HAPLN2: variants seen among roughly 807,000 people sequenced by gnomAD.
HAPLN2 encodes the protein brain link protein-1.
In HAPLN2, 27 loss-of-function variants were observed where a neutral mutation model predicts 29.3. That is an observed-to-expected ratio of 0.92 (90% confidence interval 0.68 to 1.27). The LOEUF (loss-of-function observed/expected upper bound fraction) is 1.27. HAPLN2 is among the 50% of genes most tolerant of loss of function. The pLI, the probability that HAPLN2 is intolerant of heterozygous loss-of-function variation, is 0.00. For missense variants in HAPLN2, 454 were observed against 484.3 expected (o/e 0.94, Z 0.59); for synonymous variants, 208 against 211.7 (o/e 0.98, Z 0.15).
chr1:156,622,620 A>G lies in HAPLN2; in HGVS notation c.-24-847A>G, dbSNP rs369770685. ...CTGTGTGGGAAACTGCCAGAAATCC[A>G]GCATGTCAGGGGAACAGTGCAGAGG... is the stretch of plus-strand genomic sequence containing the variant. On this transcript the variant is annotated intron_variant, in intron 2 of 6. Coordinates refer to ENST00000255039, the MANE Select transcript of HAPLN2 (RefSeq NM_021817.3). Among the ~76,000 whole-genome samples, 112 of 152,258 alleles carry G rather than the reference A, an allele frequency of 7.4e-4. 1 individual carries two copies. Among genetic ancestry groups the G allele is most frequent in the African/African-American group, 2.6e-3 (107 of 41,546 alleles).
At chr1:156,605,853 T>C in the HAPLN2 span, among the ~76,000 whole-genome samples, 24 of 151,858 alleles carry the variant, frequency 1.6e-4, no homozygotes, top group South Asian at 2.3e-3. Context: ...AATAGTCTTT[T>C]CAACAAATGG....
At chr1:156,608,577 CTG>C in the HAPLN2 span, among the ~76,000 whole-genome samples, 1 of 151,836 alleles carries the variant, frequency 6.6e-6, no homozygotes, top group African/African-American at 2.4e-5. Flanking sequence ...GAGTCGCACT[CTG>C]TCACCCAGGC....
At chr1:156,616,255 A>C (rs1375784425), upstream of HAPLN2, among the ~76,000 whole-genome samples, 1 of 152,182 alleles carries the variant, frequency 6.6e-6, no homozygotes, top group Non-Finnish European at 1.5e-5. Flanking sequence ...TGGGTCAGTG[A>C]GGAGACCCCA....
chr1:156,624,473 C>A lies in HAPLN2; in HGVS notation c.556+6C>A, dbSNP rs1678374182. The A allele has an allele frequency of 6.2e-7, 1 of 1,611,148 alleles. No individual in the cohort carries two copies. The highest frequency in any genetic ancestry group is 1.1e-5 in the South Asian group (1 of 90,630). On this transcript the variant is annotated splice_donor_region_variant and intron_variant, in intron 5 of 6. Transcript: ENST00000255039. ...CTACTCCCAGCTCTACCAGGGTGAGCGGCCGAACCCAGCACTTCCCAAGCC... is the reference window on the plus strand; with the variant it reads ...CTACTCCCAGCTCTACCAGGGTGAGAGGCCGAACCCAGCACTTCCCAAGCC...
chr1:156,617,352 T>C (rs959305074), upstream of HAPLN2, among the ~76,000 whole-genome samples: 3 of 68,062 alleles, frequency 4.4e-5, no homozygotes, highest in African/African-American at 2.2e-4. Flanking sequence ...GGTATGGTTC[T>C]TTTTTTTTTT....
the HAPLN2 span, among the ~76,000 whole-genome samples, chr1:156,602,658 G>T: frequency 1.3e-5 from 2 of 151,300 alleles, no homozygotes; most frequent in Non-Finnish European, 2.9e-5. Context: ...GTGAGGGGAG[G>T]GCGGAGGTTG....
the HAPLN2 span, among the ~76,000 whole-genome samples, chr1:156,611,956 G>T: frequency 6.6e-6 from 1 of 152,146 alleles, no homozygotes; most frequent in Non-Finnish European, 1.5e-5. Context: ...TGTTAAACTT[G>T]CAGAAATTGG....
At chr1:156,614,282 T>C in the HAPLN2 span, among the ~76,000 whole-genome samples, 3 of 151,630 alleles carry the variant, frequency 2.0e-5, no homozygotes, top group Admixed American at 2.0e-4. Context: ...TGGAGTGCAG[T>C]GGTGCAATCT....
Position 156,623,592 on chromosome 1 carries a change from G to A in HAPLN2, c.85+17G>A. 6.2e-7 allele frequency: 1 copy of A among 1,613,944 alleles called. No individual in the cohort carries two copies. Among genetic ancestry groups the A allele is most frequent in the Non-Finnish European group, 8.5e-7 (1 of 1,179,926 alleles). On this transcript the variant is annotated intron_variant, in intron 3 of 6. Transcript: ENST00000255039. ...GAGACCCAGGTAAGACCCCAGCCCA[G>A]GCCAGAATCTGGGGGAGGCTTGGGG...
chr1:156,624,516 G>C (rs1402885725), intron 5 of HAPLN2, 49 bp downstream of exon 5: 2 of 1,605,298 alleles, frequency 1.2e-6, no homozygotes, highest in Non-Finnish European at 1.7e-6. Context: ...GCTGTCTCAG[G>C]GGCCCGAGAG....
chr1:156,623,656 G>A, intron 3 of HAPLN2, 81 bp downstream of exon 3: 2 of 1,581,662 alleles, frequency 1.3e-6, no homozygotes, highest in South Asian at 2.3e-5. Flanking sequence ...GGCAGTTGTT[G>A]CAGGTACCCA....
the HAPLN2 span, among the ~76,000 whole-genome samples, chr1:156,605,219 T>C: frequency 6.7e-6 from 1 of 149,542 alleles, no homozygotes; most frequent in Non-Finnish European, 1.5e-5. Context: ...TGAGCCGAGA[T>C]CACACCACTG....
chr1:156,610,267 T>C, the HAPLN2 span, among the ~76,000 whole-genome samples: 4 of 152,190 alleles, frequency 2.6e-5, no homozygotes, highest in East Asian at 5.8e-4. Context: ...TGAAATACTA[T>C]GCAGACATGA....
chr1:156,604,118 A>T, the HAPLN2 span, among the ~76,000 whole-genome samples: 1 of 152,178 alleles, frequency 6.6e-6, no homozygotes, highest in African/African-American at 2.4e-5. Context: ...CTTATAAGGA[A>T]ATGGCCTGAA....
At chr1:156,623,662 A>G (rs1034227896) in intron 3 of HAPLN2, 87 bp downstream of exon 3, 8 of 1,571,330 alleles carry the variant, frequency 5.1e-6, no homozygotes, top group Non-Finnish European at 6.9e-6. Context: ...TGTTGCAGGT[A>G]CCCAGGGACT....
rs1422727298 is a variant in HAPLN2 at position 156,625,107 on chromosome 1, T to A, written c.746T>A (p.Val249Glu). ...GACCCGCTGTGGTCCCCAGGCCAAG[T>A]GTTCTTCGTGCCCGGGCGGCTGACG... ...FCFTSALAGQ[V>E]FFVPGRLTLS... The change falls in exon 7 of 7, where the codon GTG (valine) becomes GAG (glutamate). Residue 249 changes from valine (V) to glutamate (E), a missense_variant. By Grantham distance (121) the Val-to-Glu change is moderately radical. Transcript: ENST00000255039. The surrounding 1 kb of genome is among the most constrained non-coding windows in gnomAD (Gnocchi z 5.7). The A allele has an allele frequency of 6.5e-7, 1 of 1,537,944 alleles. No homozygotes were observed. The highest frequency in any genetic ancestry group is 1.2e-5 in the South Asian group (1 of 83,922).
upstream of HAPLN2, among the ~76,000 whole-genome samples, chr1:156,616,815 A>C (rs556049519): frequency 1.3e-5 from 2 of 152,274 alleles, no homozygotes; most frequent in East Asian, 3.9e-4. Flanking sequence ...GGCCGGGTGC[A>C]GTGGCTCATG....
At chr1:156,610,297 T>A in the HAPLN2 span, among the ~76,000 whole-genome samples, 1 of 152,020 alleles carries the variant, frequency 6.6e-6, no homozygotes, top group Non-Finnish European at 1.5e-5. Flanking sequence ...GAATTTGATG[T>A]CATGTGCTGA....
intron 2 of HAPLN2, among the ~76,000 whole-genome samples, chr1:156,622,810 G>A (rs1385271795): frequency 1.3e-5 from 2 of 151,644 alleles, no homozygotes; most frequent in South Asian, 2.1e-4. Flanking sequence ...GGTGGCTCAC[G>A]CCTGCTGTAA....
Sources: allele counts gnomAD v4.1 joint callset (sites outside exome capture counted in the v4.1 genomes callset), GRCh38; gene constraint gnomAD v4.1.1; non-coding constraint Gnocchi (gnomAD v3.1); transcripts MANE v1.5; gene names NCBI Gene and HGNC (gene_info 2026-07-23, HGNC 2026-07-21).